Variants in MPPED1 observed in about 807,000 individuals in gnomAD.
The protein encoded by MPPED1 is metallophosphoesterase domain-containing protein 1.
A neutral mutation model predicts 36.2 loss-of-function variants in MPPED1; 16 were observed. The ratio of observed to expected loss-of-function variants is 0.44; its 90% confidence interval spans 0.30 to 0.67. MPPED1 has a LOEUF of 0.67. Ranked by LOEUF, MPPED1 falls within the 30% of genes least tolerant of loss-of-function variation. The pLI, the probability that MPPED1 is intolerant of heterozygous loss-of-function variation, is 0.10. For synonymous variants in MPPED1, 199 were observed against 191.3 expected, an observed-to-expected ratio of 1.04 and a Z score of -0.33; for missense variants, 307 against 453.4, an observed-to-expected ratio of 0.68 and a Z score of 2.93.
chr22:43,421,252 C>T (rs1929264116), intron 1 of MPPED1, among the ~76,000 whole-genome samples: 1 of 152,264 alleles, frequency 6.6e-6, no homozygotes. Flanking sequence ...CGGTGGCTAA[C>T]GTGCTGCTGC....
rs777387799 is a variant in MPPED1 at position 43,500,089 on chromosome 22, C to T, written c.748+1739C>T. ...ATGGTGATGGAGGTGGTGGTGATGG[C>T]GATGGAGGTGGTAGTGGGGGTGATG... On this transcript the variant is annotated intron_variant, in intron 5 of 6. Transcript: ENST00000443721. Among the ~76,000 whole-genome samples, 105 of 42,582 alleles carry T rather than the reference C, an allele frequency of 2.5e-3. 4 individuals carry two copies. Among genetic ancestry groups the T allele is most frequent in the African/African-American group, 3.4e-3 (36 of 10,490 alleles). 27.9% of individuals were successfully genotyped at this position (42,582 alleles called of 152,430 possible).
At chr22:43,505,010 G>A (rs1180850079) in intron 6 of MPPED1, among the ~76,000 whole-genome samples, 1 of 152,032 alleles carries the variant, frequency 6.6e-6, no homozygotes, top group Non-Finnish European at 1.5e-5. Flanking sequence ...GGTAATGGTG[G>A]TGGAGGTAAC....
chr22:43,499,960 A>T (rs1419646730), intron 5 of MPPED1, among the ~76,000 whole-genome samples: 5 of 29,864 alleles, frequency 1.7e-4, no homozygotes, highest in Admixed American at 8.7e-4. Flanking sequence ...GTGGTGATGG[A>T]GGTGGTGATG....
intron 5 of MPPED1, among the ~76,000 whole-genome samples, chr22:43,500,406 G>GTGA (rs1861729476): frequency 1.5e-5 from 2 of 134,892 alleles, no homozygotes; most frequent in Non-Finnish European, 3.4e-5. Flanking sequence ...GGTGGTAGTG[G>GTGA]TGGTGATGGA....
At chr22:43,434,009 C>A (rs571002493) in intron 2 of MPPED1, among the ~76,000 whole-genome samples, 3 of 152,150 alleles carry the variant, frequency 2.0e-5, no homozygotes, top group African/African-American at 7.2e-5. Flanking sequence ...TCTTAGCCCA[C>A]GGGGTGCCGG....
At chr22:43,504,002 G>A (rs2146930067) in intron 6 of MPPED1, among the ~76,000 whole-genome samples, 1 of 152,224 alleles carries the variant, frequency 6.6e-6, no homozygotes, top group East Asian at 1.9e-4. Context: ...GTGAGAAGAG[G>A]GTATGAGGGA....
intron 3 of MPPED1, among the ~76,000 whole-genome samples, chr22:43,458,944 AT>A (rs1320889715): frequency 1.3e-5 from 2 of 152,152 alleles, no homozygotes; most frequent in Non-Finnish European, 1.5e-5. Flanking sequence ...TGACAGTTTG[AT>A]TATGATGTGT....
chr22:43,433,154 G>T (rs1198573922), intron 2 of MPPED1, among the ~76,000 whole-genome samples: 1 of 151,986 alleles, frequency 6.6e-6, no homozygotes, highest in Non-Finnish European at 1.5e-5. Flanking sequence ...AAGAGTGGTG[G>T]GAATTTCTGG....
At chr22:43,476,303 A>G (rs1329193241) in intron 4 of MPPED1, among the ~76,000 whole-genome samples, 3 of 152,122 alleles carry the variant, frequency 2.0e-5, no homozygotes, top group Non-Finnish European at 4.4e-5. Context: ...AAGATCACAT[A>G]TGCTTAAAAG....
intron 3 of MPPED1, among the ~76,000 whole-genome samples, chr22:43,467,397 A>C (rs549317812): frequency 1.3e-4 from 20 of 152,366 alleles, no homozygotes; most frequent in African/African-American, 4.3e-4. Context: ...TGGCCCAGAC[A>C]TCTGACTCCA....
intron 3 of MPPED1, among the ~76,000 whole-genome samples, chr22:43,463,658 G>T (rs1931034997): frequency 1.3e-5 from 2 of 151,892 alleles, no homozygotes. Context: ...AAATTTCATG[G>T]GTGCAATATT....
At chr22:43,433,759 TG>T (rs1929851973) in intron 2 of MPPED1, among the ~76,000 whole-genome samples, 1 of 38,392 alleles carries the variant, frequency 2.6e-5, no homozygotes, top group Non-Finnish European at 9.6e-5. Context: ...GTATATTGTC[TG>T]AAAAAAAAAA....
chr22:43,470,998 A>G (rs1262912185), intron 3 of MPPED1, among the ~76,000 whole-genome samples: 3 of 152,200 alleles, frequency 2.0e-5, no homozygotes, highest in Admixed American at 6.5e-5. Context: ...TGCATTATGT[A>G]TGGGAGCTGG....
At chr22:43,412,300 G>C (rs1928930236) in intron 1 of MPPED1, 142 bp downstream of exon 1, 1 of 509,518 alleles carries the variant, frequency 2.0e-6, no homozygotes, top group Non-Finnish European at 2.5e-6. Flanking sequence ...CGCCTTTGCC[G>C]GGTGCGGGAA....
rs749549215 is a variant in MPPED1 at position 43,432,271 on chromosome 22, G to GGA, written c.225-2752_225-2751dup. 4.7e-5 allele frequency among the ~76,000 whole-genome samples: 7 copies of GGA among 148,818 alleles called. No individual in the cohort carries two copies. The East Asian group carries it at 1.4e-3, about 30-fold the overall frequency. On this transcript the variant is annotated intron_variant, in intron 2 of 6. Transcript: ENST00000443721. ...AGGGAGGGAAAGAGAGAGAAAGGGAGGAGAGAGAGAGAAAGGGAGGAGAGA... is the reference window on the plus strand; with the variant it reads ...AGGGAGGGAAAGAGAGAGAAAGGGAGGAGAGAGAGAGAGAAAGGGAGGAGAGA...
At chr22:43,447,280 C>G (rs1222733595) in intron 3 of MPPED1, among the ~76,000 whole-genome samples, 1 of 152,140 alleles carries the variant, frequency 6.6e-6, no homozygotes, top group Non-Finnish European at 1.5e-5. Context: ...CTTTTTCTCT[C>G]TTTTCACAAA....
At chr22:43,462,247 G>T (rs760912347) in intron 3 of MPPED1, among the ~76,000 whole-genome samples, 1 of 152,166 alleles carries the variant, frequency 6.6e-6, no homozygotes, top group Non-Finnish European at 1.5e-5. Context: ...CTTTGAAGAT[G>T]CTTCTTTTTA....
chr22:43,470,497 T>C (rs956120269), intron 3 of MPPED1, among the ~76,000 whole-genome samples: 1 of 152,204 alleles, frequency 6.6e-6, no homozygotes, highest in Non-Finnish European at 1.5e-5. Flanking sequence ...TATCCATCCA[T>C]CTGTAAACCA....
intron 3 of MPPED1, among the ~76,000 whole-genome samples, chr22:43,471,190 C>T (rs764086224): frequency 4.6e-5 from 7 of 152,216 alleles, no homozygotes; most frequent in Non-Finnish European, 1.0e-4. Flanking sequence ...TCAGTAACAC[C>T]CCCAGTCAAA....
Sources: gnomAD v4.1 joint callset for allele counts (sites outside exome capture counted in the v4.1 genomes callset) on GRCh38, gnomAD v4.1.1 for gene constraint, MANE v1.5 for transcripts, NCBI Gene and HGNC (gene_info 2026-07-23, HGNC 2026-07-21) for gene names.